The following ARHGAP15 variants were observed in gnomAD, a reference collection of about 807,000 sequenced individuals.
ARHGAP15 encodes the protein Rho GTPase activating protein 15.
ARHGAP15 carries 51 observed loss-of-function variants against 63.7 expected under a neutral mutation model. That is an observed-to-expected ratio of 0.80 (90% CI 0.64 to 1.01). The LOEUF (loss-of-function observed/expected upper bound fraction) is 1.01, where lower values mean the gene tolerates loss of function less well. Among genes scored for constraint, ARHGAP15 ranks in the 50% least tolerant of loss-of-function variants. ARHGAP15 has a pLI of 0.00. For synonymous variants in ARHGAP15, 191 were observed against 193.8 expected (o/e 0.99, Z 0.12); for missense variants, 560 against 564.6 (o/e 0.99, Z 0.08).
At chr2:143,204,088 C>T (rs998896193) in intron 3 of ARHGAP15, among the ~76,000 whole-genome samples, 8 of 152,090 alleles carry the variant, frequency 5.3e-5, no homozygotes, top group Non-Finnish European at 1.2e-4. Flanking sequence ...CATAAATGAA[C>T]ACCAAAGAAC....
intron 6 of ARHGAP15, among the ~76,000 whole-genome samples, chr2:143,427,177 AATAGC>A (rs1033358178): frequency 2.0e-5 from 3 of 152,154 alleles, no homozygotes; most frequent in African/African-American, 7.2e-5. Context: ...AATATGTTAC[AATAGC>A]ATAAAGATAC....
chr2:143,585,189 T>C (rs1697064251), intron 11 of ARHGAP15, among the ~76,000 whole-genome samples: 1 of 152,180 alleles, frequency 6.6e-6, no homozygotes. Context: ...CTTGTAATTG[T>C]ATGTTGACTG....
At chr2:143,629,689 AGAG>A (rs1698988179) in intron 12 of ARHGAP15, among the ~76,000 whole-genome samples, 1 of 152,158 alleles carries the variant, frequency 6.6e-6, no homozygotes, top group Non-Finnish European at 1.5e-5. Flanking sequence ...TTCCTGAAAA[AGAG>A]AAAGGGAGGA....
At chr2:143,532,358 AG>A (rs993580934) in intron 10 of ARHGAP15, among the ~76,000 whole-genome samples, 28 of 152,188 alleles carry the variant, frequency 1.8e-4, no homozygotes, top group African/African-American at 6.5e-4. Flanking sequence ...ATATAGTGAA[AG>A]CTTCTTGTAA....
chr2:143,155,552 C>G lies in ARHGAP15; in HGVS notation c.62C>G (p.Thr21Arg). The G allele has an allele frequency of 6.2e-7, 1 of 1,609,698 alleles. No homozygotes were observed. The change falls in exon 2 of 14, where the codon ACA becomes AGA. Residue 21 changes from threonine to arginine, a missense_variant. Coordinates refer to ENST00000295095, the MANE Select transcript of ARHGAP15 (RefSeq NM_018460.4). ...VETLNSTRQG[T>R]GAVQMRIKNA... ...ACACTGAATTCTACCCGCCAAGGCACAGGAGCTGTGCAAATGAGAATCAAA... is the reference window on the plus strand; with the variant it reads ...ACACTGAATTCTACCCGCCAAGGCAGAGGAGCTGTGCAAATGAGAATCAAA...
intron 10 of ARHGAP15, among the ~76,000 whole-genome samples, chr2:143,546,057 A>G (rs1279963362): frequency 1.3e-5 from 2 of 152,210 alleles, no homozygotes; most frequent in African/African-American, 4.8e-5. Flanking sequence ...AGATCACTTT[A>G]CAGAGAGATT....
chr2:143,305,078 A>G (rs1683106415), intron 6 of ARHGAP15, among the ~76,000 whole-genome samples: 1 of 152,102 alleles, frequency 6.6e-6, no homozygotes, highest in Non-Finnish European at 1.5e-5. Context: ...AACCCAACCC[A>G]AATGCCATCA....
intron 10 of ARHGAP15, among the ~76,000 whole-genome samples, chr2:143,528,459 A>G (rs1264079692): frequency 6.6e-6 from 1 of 152,098 alleles, no homozygotes; most frequent in Non-Finnish European, 1.5e-5. Flanking sequence ...AGACTGTCCA[A>G]TAATTAAAAT....
intron 9 of ARHGAP15, among the ~76,000 whole-genome samples, chr2:143,511,680 G>T (rs1487640702): frequency 6.6e-6 from 1 of 152,098 alleles, no homozygotes; most frequent in Non-Finnish European, 1.5e-5. Flanking sequence ...ATTAATGCTT[G>T]CCTGGAAAGC....
At chr2:143,749,874 C>A (rs1488823754) in intron 13 of ARHGAP15, among the ~76,000 whole-genome samples, 1 of 152,140 alleles carries the variant, frequency 6.6e-6, no homozygotes, top group Non-Finnish European at 1.5e-5. Context: ...AGTTGAGTCC[C>A]TGGTTCTTTG....
intron 6 of ARHGAP15, among the ~76,000 whole-genome samples, chr2:143,407,900 T>C (rs944928116): frequency 6.7e-6 from 1 of 148,930 alleles, no homozygotes; most frequent in Non-Finnish European, 1.5e-5. Flanking sequence ...CAAGTTTTCC[T>C]AGAAAAAATT....
intron 10 of ARHGAP15, 108 bp from the exon 11 acceptor site, chr2:143,556,300 T>C (rs1695794926): frequency 2.4e-6 from 2 of 822,948 alleles, no homozygotes; most frequent in African/African-American, 3.5e-5. Flanking sequence ...CAAATTGGTT[T>C]TATCTGAGAA....
chr2:143,214,209 A>G lies in ARHGAP15; in HGVS notation c.235-2175A>G, dbSNP rs544096939. Among the ~76,000 whole-genome samples the G allele has an allele frequency of 3.9e-5, 6 of 152,304 alleles. 1 individual carries two copies. In the East Asian group the frequency reaches 1.2e-3, roughly 29 times the overall value. On this transcript the variant is annotated intron_variant, in intron 3 of 13. Coordinates refer to ENST00000295095, the MANE Select transcript of ARHGAP15 (RefSeq NM_018460.4). ...ATGCATCAATTTTTATGATGGGTTGATAGGTTTTTGTAGTTTTTTTGGTAG... is the reference window on the plus strand; with the variant it reads ...ATGCATCAATTTTTATGATGGGTTGGTAGGTTTTTGTAGTTTTTTTGGTAG...
chr2:143,423,054 G>GT (rs1207593208), intron 6 of ARHGAP15, among the ~76,000 whole-genome samples: 1 of 152,132 alleles, frequency 6.6e-6, no homozygotes, highest in African/African-American at 2.4e-5. Flanking sequence ...AGAAGCATCT[G>GT]TTGAGTTGTG....
intron 12 of ARHGAP15, among the ~76,000 whole-genome samples, chr2:143,647,250 C>T: frequency 6.6e-6 from 1 of 151,046 alleles, no homozygotes; most frequent in Admixed American, 6.6e-5. Flanking sequence ...TTATCATTGC[C>T]ATAGTGTAAA....
chr2:143,423,798 T>C (rs969571792), intron 6 of ARHGAP15, among the ~76,000 whole-genome samples: 10 of 152,172 alleles, frequency 6.6e-5, no homozygotes, highest in Non-Finnish European at 1.5e-5. Flanking sequence ...GATTGTATTT[T>C]ATGTAGCCCT....
intron 12 of ARHGAP15, among the ~76,000 whole-genome samples, chr2:143,634,529 A>T (rs867506355): frequency 2.4e-4 from 37 of 152,296 alleles, no homozygotes; most frequent in Middle Eastern, 3.4e-3. Context: ...ATCATATTAG[A>T]ATATAATCAG....
At chr2:143,465,919 T>A (rs1246456800) in intron 8 of ARHGAP15, among the ~76,000 whole-genome samples, 1 of 152,124 alleles carries the variant, frequency 6.6e-6, no homozygotes, top group East Asian at 1.9e-4. Flanking sequence ...CTTGCATGGG[T>A]TGGATACTCT....
At chr2:143,288,976 T>C (rs1217617996) in intron 6 of ARHGAP15, among the ~76,000 whole-genome samples, 2 of 152,042 alleles carry the variant, frequency 1.3e-5, no homozygotes, top group East Asian at 1.9e-4. Flanking sequence ...TTCTCCACCT[T>C]GCACAAAACA....
Sources: allele counts gnomAD v4.1 joint callset (sites outside exome capture counted in the v4.1 genomes callset), GRCh38; gene constraint gnomAD v4.1.1; transcripts MANE v1.5; gene names NCBI Gene and HGNC (gene_info 2026-07-23, HGNC 2026-07-21).